The following GLRB variants were observed in gnomAD, a reference collection of about 807,000 sequenced individuals.
The protein encoded by GLRB is glycine receptor subunit beta.
Under a neutral mutation model 54.2 loss-of-function variants are expected in GLRB, and 33 were observed. The observed-to-expected ratio is 0.61, with a 90% CI of 0.46 to 0.81. The LOEUF (loss-of-function observed/expected upper bound fraction) is 0.81, where lower values mean the gene tolerates loss of function less well. GLRB is among the 40% of genes least tolerant of loss of function. The pLI, the probability that GLRB is intolerant of heterozygous loss-of-function variation, is 0.00. For synonymous variants in GLRB, 209 were observed against 208.2 expected (o/e 1.00, Z -0.03); for missense variants, 572 against 584.6 (o/e 0.98, Z 0.22).
In GLRB at chr4:157,152,765, G is replaced by T. The variant is rs750803516; in HGVS notation, c.952G>T (p.Ala318Ser). 3 of 1,613,490 alleles carry T rather than the reference G, an allele frequency of 1.9e-6. No homozygotes were observed. Among genetic ancestry groups the T allele is most frequent in the Non-Finnish European group, 2.5e-6 (3 of 1,179,530 alleles). ...GGCCTCTGAGTGCACAACCCTTGCC[G>T]CTGAGCTTCCCAAAGTTTCCTATGT... is the stretch of plus-strand genomic sequence containing the variant. ...SLASECTTLA[A>S]ELPKVSYVKA... The change falls in exon 9 of 10, where the codon GCT (alanine) becomes TCT (serine). Residue 318 changes from alanine (A) to serine (S), a missense_variant. Physicochemically the swap from Ala to Ser is moderately conservative, Grantham distance 99 (BLOSUM62 1). Coordinates refer to ENST00000264428, the MANE Select transcript of GLRB (RefSeq NM_000824.5).
At chr4:157,084,637 C>T (rs557043799) in intron 2 of GLRB, 122 of 455,670 alleles carry the variant, frequency 2.7e-4, no homozygotes, top group Admixed American at 1.2e-3. Flanking sequence ...GGTTTGATGC[C>T]GTTATGATTT....
intron 2 of GLRB, among the ~76,000 whole-genome samples, chr4:157,114,325 GTC>G (rs771410612): frequency 6.7e-6 from 1 of 149,568 alleles, no homozygotes; most frequent in African/African-American, 2.5e-5. Flanking sequence ...GTCTTTCCTG[GTC>G]TCTCTCTCTC....
chr4:157,147,209 G>A (rs549012593), intron 8 of GLRB, among the ~76,000 whole-genome samples: 13 of 152,216 alleles, frequency 8.5e-5, no homozygotes, highest in Non-Finnish European at 1.6e-4. Flanking sequence ...TCACAGGGGA[G>A]TGAGCGTAAG....
At chr4:157,126,043 C>T (rs1169557543) in intron 4 of GLRB, among the ~76,000 whole-genome samples, 1 of 151,816 alleles carries the variant, frequency 6.6e-6, no homozygotes, top group East Asian at 1.9e-4. Context: ...GTAGATATAA[C>T]ATGAATAGCC....
intron 2 of GLRB, among the ~76,000 whole-genome samples, chr4:157,120,296 A>C (rs1735762351): frequency 6.6e-6 from 1 of 150,936 alleles, no homozygotes; most frequent in Admixed American, 6.6e-5. Context: ...TGACAAGTTA[A>C]TGGGTGCAGC....
chr4:157,091,605 G>C (rs770077695), intron 2 of GLRB, among the ~76,000 whole-genome samples: 18 of 152,200 alleles, frequency 1.2e-4, no homozygotes, highest in Admixed American at 3.9e-4. Context: ...CCCTGCAAGT[G>C]TTTTGGGTAC....
At chr4:157,152,015 A>T (rs2126600782) in intron 8 of GLRB, among the ~76,000 whole-genome samples, 1 of 152,316 alleles carries the variant, frequency 6.6e-6, no homozygotes, top group African/African-American at 2.4e-5. Context: ...AGAGAGAGGA[A>T]TGGCAGGGAG....
At chr4:157,118,659 T>C (rs575091952) in intron 2 of GLRB, among the ~76,000 whole-genome samples, 5 of 151,752 alleles carry the variant, frequency 3.3e-5, no homozygotes, top group African/African-American at 1.2e-4. Context: ...CAATTCATAG[T>C]ATTATTAAAT....
intron 9 of GLRB, among the ~76,000 whole-genome samples, chr4:157,167,352 C>A (rs1737749078): frequency 6.6e-6 from 1 of 152,154 alleles, no homozygotes; most frequent in Non-Finnish European, 1.5e-5. Context: ...TTCACTGATA[C>A]ATGTGGAGAC....
intron 8 of GLRB, 100 bp from the exon 9 acceptor site, chr4:157,152,618 C>A: frequency 1.1e-6 from 1 of 896,776 alleles, no homozygotes; most frequent in Non-Finnish European, 1.9e-6. Flanking sequence ...GTTCATGGGT[C>A]ATTGGAAGTT....
chr4:157,124,409 A>T (rs1735939882), intron 4 of GLRB, among the ~76,000 whole-genome samples: 1 of 151,742 alleles, frequency 6.6e-6, no homozygotes. Context: ...TTTTGTGTGT[A>T]TTCCTTTTAT....
At chr4:157,158,497 T>A (rs1417612783) in intron 9 of GLRB, among the ~76,000 whole-genome samples, 1 of 152,226 alleles carries the variant, frequency 6.6e-6, no homozygotes, top group African/African-American at 2.4e-5. Context: ...CCATCTTGAA[T>A]TAATTTTTGT....
At position 157,101,813 on chromosome 4, in the gene GLRB, TGG is replaced by T. The variant is rs1735037829; in HGVS notation, c.123-18742_123-18741del. Among the ~76,000 whole-genome samples the T allele has an allele frequency of 1.1e-4, 11 of 104,414 alleles. No individual in the cohort carries two copies. In the South Asian group the frequency reaches 1.3e-3, roughly 13 times the overall value. The allele number at this position is 104,414 out of a possible 152,430, so 68.5% of individuals were successfully genotyped here. On this transcript the variant is annotated intron_variant, in intron 2 of 9. Coordinates refer to ENST00000264428, the MANE Select transcript of GLRB (RefSeq NM_000824.5). ...GTCAAACTTGTTTTTTTTTTTTTTT[TGG>T]TGGGGGGGAGGGTTTGGGGTTGGGT...
chr4:157,126,433 G>C (rs1414846521), intron 4 of GLRB, among the ~76,000 whole-genome samples: 3 of 151,484 alleles, frequency 2.0e-5, no homozygotes, highest in Non-Finnish European at 3.0e-5. Flanking sequence ...ATGTCTGTGT[G>C]CTCATTTGTA....
chr4:157,103,546 T>C, intron 2 of GLRB, among the ~76,000 whole-genome samples: 1 of 152,242 alleles, frequency 6.6e-6, no homozygotes, highest in East Asian at 1.9e-4. Flanking sequence ...GGTTTCACAT[T>C]AATTCTAGAA....
chr4:157,091,453 G>C (rs1734610849), intron 2 of GLRB: 1 of 152,042 alleles, frequency 6.6e-6, no homozygotes, highest in Non-Finnish European at 1.5e-5. Flanking sequence ...CATTGCTTTG[G>C]TACCATCAGT....
intron 2 of GLRB, among the ~76,000 whole-genome samples, chr4:157,095,160 A>G (rs1164705884): frequency 6.6e-6 from 1 of 152,092 alleles, no homozygotes; most frequent in East Asian, 1.9e-4. Context: ...GGCAGGCTTT[A>G]TGTGTTCAAA....
chr4:157,121,210 G>A (rs951784987), intron 3 of GLRB, among the ~76,000 whole-genome samples: 3 of 151,726 alleles, frequency 2.0e-5, no homozygotes, highest in East Asian at 2.0e-4. Context: ...AAGTGATTAC[G>A]TAGTCCACAA....
At chr4:157,143,486 G>A (rs1222560491) in intron 7 of GLRB, among the ~76,000 whole-genome samples, 1 of 151,922 alleles carries the variant, frequency 6.6e-6, no homozygotes, top group African/African-American at 2.4e-5. Flanking sequence ...GAGGACCCAC[G>A]GGTAAAGAAA....
Sources: gnomAD v4.1 joint callset for allele counts (sites outside exome capture counted in the v4.1 genomes callset) on GRCh38, gnomAD v4.1.1 for gene constraint, MANE v1.5 for transcripts, NCBI Gene and HGNC (gene_info 2026-07-23, HGNC 2026-07-21) for gene names.